ARHGEF6: variants seen among roughly 807,000 people sequenced by gnomAD.
ARHGEF6 encodes Rac/Cdc42 guanine nucleotide exchange factor 6, also known as rho guanine nucleotide exchange factor 6.
Under a neutral mutation model 70.3 loss-of-function variants are expected in ARHGEF6, and 9 were observed. The observed-to-expected ratio is 0.13, with a 90% CI of 0.08 to 0.22. The LOEUF is 0.22. Among genes scored for constraint, ARHGEF6 ranks in the 10% least tolerant of loss-of-function variants. The pLI, the probability that ARHGEF6 is intolerant of heterozygous loss-of-function variation, is 1.00. For synonymous variants in ARHGEF6, 201 were observed against 207.8 expected, an observed-to-expected ratio of 0.97 and a Z score of 0.28; for missense variants, 470 against 563.0, an observed-to-expected ratio of 0.83 and a Z score of 1.67.
rs763897398 is a variant in ARHGEF6 at position 136,675,037 on chromosome X, T to C, written c.2005A>G (p.Ser669Gly). 10 of 1,205,372 alleles carry C rather than the reference T, an allele frequency of 8.3e-6. No homozygotes were observed. The African/African-American group carries it at 1.8e-4, about 21-fold the overall frequency. Residue 669 changes from serine to glycine, a missense_variant, in exon 19 of 22, where the codon AGC becomes GGC. This residue lies in a region of ARHGEF6 where 88 missense variants were observed against 95.5 expected (regional missense o/e 0.92). Transcript: ENST00000250617. ...CCATGGCCTTGTTGAAAATTTGCGC[T>C]GGTGCAGTAGGCTTCGATCACTTTA... ...ILKVIEAYCT[S>G]ANFQQGHGSS...
At chrX:136,779,557 C>G in intron 1 of ARHGEF6, 60 bp from the exon 2 acceptor site, 1 of 1,024,918 alleles carries the variant, frequency 9.8e-7, no homozygotes, top group Non-Finnish European at 1.4e-6. Flanking sequence ...GCAAAGTATA[C>G]TCATCATTTG....
chrX:136,667,975 C>T lies in ARHGEF6; in HGVS notation c.*54G>A, dbSNP rs961850095. ...GAGCAAACTGAGTCAAATCATTCAG[C>T]GGGACATTTCAAGATGCCCTGAAGG... On this transcript the variant is annotated 3_prime_UTR_variant, in exon 22 of 22. Coordinates refer to ENST00000250617, the MANE Select transcript of ARHGEF6 (RefSeq NM_004840.3). The T allele has an allele frequency of 3.3e-6, 4 of 1,197,560 alleles. No homozygotes were observed. Among genetic ancestry groups the T allele is most frequent in the Non-Finnish European group, 4.5e-6 (4 of 883,617 alleles).
intron 9 of ARHGEF6, among the ~76,000 whole-genome samples, chrX:136,697,756 T>C (rs2076527946): frequency 8.9e-6 from 1 of 112,406 alleles, no homozygotes; most frequent in Non-Finnish European, 1.9e-5. Context: ...AACAAAAACA[T>C]GTCCCAGAGA....
intron 16 of ARHGEF6, among the ~76,000 whole-genome samples, chrX:136,678,192 A>G (rs1271083755): frequency 8.9e-6 from 1 of 111,836 alleles, no homozygotes; most frequent in Non-Finnish European, 1.9e-5. Flanking sequence ...ACTGAAATAC[A>G]TACTATCTAG....
Position 136,690,683 on chromosome X carries a change from G to A in ARHGEF6, c.1112C>T (p.Thr371Ile), listed in dbSNP as rs375550477. The change falls in exon 10 of 22, where the codon ACA becomes ATA. Residue 371 changes from threonine (T) to isoleucine (I), a missense_variant. Coordinates refer to ENST00000250617, the MANE Select transcript of ARHGEF6 (RefSeq NM_004840.3). ...TCGCATGAATGGTTTGCTGAGGTTT[G>A]TTGTTAAAATGAGGATACCTGGGCT... ...ASSPGILILT[T>I]NLSKPFMRLE... 1 of 1,208,487 alleles carries A rather than the reference G, an allele frequency of 8.3e-7. No homozygotes were observed. The highest frequency in any genetic ancestry group is 1.1e-6 in the Non-Finnish European group (1 of 894,315).
rs1457029262 is a variant in ARHGEF6, at chrX:136,668,133, GTTC to G, written c.2224_2226del (p.Glu742del). On this transcript the variant is annotated inframe_deletion, in exon 22 of 22. Transcript: ENST00000250617. The stretch of plus-strand genomic sequence containing the variant: ...TTTTCTAGGTCCCTTCTTGATTTCA[GTTC>G]TTCTTCCAGGCATTGCTTCATTCTT... 11 of 1,209,737 alleles carry G rather than the reference GTTC, an allele frequency of 9.1e-6. No individual in the cohort carries two copies. Among genetic ancestry groups the G allele is most frequent in the Non-Finnish European group, 1.2e-5 (11 of 895,016 alleles).
At chrX:136,766,954 C>T (rs1490879920) in intron 2 of ARHGEF6, among the ~76,000 whole-genome samples, 1 of 112,375 alleles carries the variant, frequency 8.9e-6, no homozygotes, top group Non-Finnish European at 1.9e-5. Context: ...GCCCTCATCT[C>T]CCCCTTCCCG....
At chrX:136,672,187 T>G in intron 19 of ARHGEF6, 68 bp from the exon 20 acceptor site, 2 of 828,670 alleles carry the variant, frequency 2.4e-6, no homozygotes, top group South Asian at 4.1e-5. Flanking sequence ...ATAGTGGGTG[T>G]TAGTTCTTTT....
intron 6 of ARHGEF6, among the ~76,000 whole-genome samples, chrX:136,717,703 T>C (rs2076751123): frequency 9.0e-6 from 1 of 111,688 alleles, no homozygotes; most frequent in Non-Finnish European, 1.9e-5. Flanking sequence ...ACAGCGATCA[T>C]ACAAGGGATG....
At chrX:136,678,557 T>A (rs1423297261) in intron 16 of ARHGEF6, among the ~76,000 whole-genome samples, 3 of 111,569 alleles carry the variant, frequency 2.7e-5, no homozygotes, top group Non-Finnish European at 1.9e-5. Flanking sequence ...GTTGAAAGGA[T>A]CAAAAAATCC....
At chrX:136,691,062 A>C (rs1001303768) in intron 9 of ARHGEF6, among the ~76,000 whole-genome samples, 2 of 111,146 alleles carry the variant, frequency 1.8e-5, no homozygotes, top group Admixed American at 9.5e-5. Context: ...CAGTGAACAA[A>C]AAAAAAAAAT....
At chrX:136,772,588 G>A (rs932339908) in intron 2 of ARHGEF6, among the ~76,000 whole-genome samples, 3 of 112,466 alleles carry the variant, frequency 2.7e-5, no homozygotes, top group Non-Finnish European at 5.6e-5. Flanking sequence ...AAATTTTTGT[G>A]GGCCAGGCAC....
At chrX:136,742,716 T>C (rs1471869222) in intron 5 of ARHGEF6, among the ~76,000 whole-genome samples, 10 of 111,863 alleles carry the variant, frequency 8.9e-5, no homozygotes, top group African/African-American at 3.3e-4. Context: ...GGCTTATGCC[T>C]GTAATCCCAG....
Position 136,686,693 on chromosome X carries a change from T to C in ARHGEF6, c.1246-870A>G, listed in dbSNP as rs867406300. The stretch of plus-strand genomic sequence containing the variant: ...ATATATATATACACATATATATATA[T>C]ACACATATATATATACATATATATA... On this transcript the variant is annotated intron_variant, in intron 11 of 21. Coordinates refer to ENST00000250617, the MANE Select transcript of ARHGEF6 (RefSeq NM_004840.3). Among the ~76,000 whole-genome samples, 64 of 51,373 alleles carry C rather than the reference T, an allele frequency of 1.2e-3. 1 individual carries two copies. The highest frequency in any genetic ancestry group is 4.9e-3 in the African/African-American group (60 of 12,235). 44.6% of individuals were successfully genotyped at this position (51,373 alleles called of 115,157 possible).
chrX:136,686,724 A>ATATATG lies in ARHGEF6; in HGVS notation c.1246-902_1246-901insCATATA, dbSNP rs2076406453. On this transcript the variant is annotated intron_variant, in intron 11 of 21. Coordinates refer to ENST00000250617, the MANE Select transcript of ARHGEF6 (RefSeq NM_004840.3). The stretch of plus-strand genomic sequence containing the variant: ...TATATATATACATATATATATATAT[A>ATATATG]TATATATATATATCTCACTGCTTAA... Among the ~76,000 whole-genome samples, 3 of 90,726 alleles carry ATATATG rather than the reference A, an allele frequency of 3.3e-5. No individual in the cohort carries two copies. In the South Asian group the frequency reaches 1.6e-3, roughly 47 times the overall value. The allele number at this position is 90,726 out of a possible 115,157, so 78.8% of individuals were successfully genotyped here.
intron 2 of ARHGEF6, among the ~76,000 whole-genome samples, chrX:136,770,828 A>G (rs112924540): frequency 3.6e-5 from 4 of 111,717 alleles, no homozygotes; most frequent in African/African-American, 1.3e-4. Context: ...GAAACCCTGT[A>G]TCTATAAAAA....
intron 9 of ARHGEF6, among the ~76,000 whole-genome samples, chrX:136,696,122 G>A (rs2076507363): frequency 9.0e-6 from 1 of 111,163 alleles, no homozygotes. Context: ...TAGAAATGAA[G>A]TGAATTGCCT....
At chrX:136,766,564 C>A (rs1174271912) in intron 2 of ARHGEF6, among the ~76,000 whole-genome samples, 2 of 112,068 alleles carry the variant, frequency 1.8e-5, no homozygotes, top group Non-Finnish European at 3.8e-5. Flanking sequence ...AATATAAGAC[C>A]TTTGAAGAGG....
intron 10 of ARHGEF6, among the ~76,000 whole-genome samples, chrX:136,688,952 A>T (rs751379511): frequency 1.8e-5 from 2 of 111,365 alleles, no homozygotes; most frequent in South Asian, 7.8e-4. Flanking sequence ...ATGTGCACCT[A>T]ACATTGGGGC....
Sources: allele counts gnomAD v4.1 joint callset (sites outside exome capture counted in the v4.1 genomes callset), GRCh38; gene constraint gnomAD v4.1.1; regional missense constraint gnomAD v4.1.1; transcripts MANE v1.5; gene names NCBI Gene and HGNC (gene_info 2026-07-23, HGNC 2026-07-21).